Variants in CDK19 observed in about 807,000 individuals in gnomAD.
CDK19 encodes cyclin-dependent kinase 19.
In CDK19, 20 loss-of-function variants were observed where a neutral mutation model predicts 68.3. That is an observed-to-expected ratio of 0.29 (90% confidence interval 0.21 to 0.43). CDK19 has a LOEUF of 0.43. Among genes scored for constraint, CDK19 ranks in the 20% least tolerant of loss-of-function variants. The pLI is 1.00. For missense variants in CDK19, 339 were observed against 623.5 expected (o/e 0.54, Z 4.86); for synonymous variants, 221 against 222.8 (o/e 0.99, Z 0.07).
At chr6:110,739,462 T>C (rs1415941941) in intron 2 of CDK19, among the ~76,000 whole-genome samples, 2 of 152,122 alleles carry the variant, frequency 1.3e-5, no homozygotes, top group Admixed American at 6.6e-5. Flanking sequence ...CCACCAAGTC[T>C]ATGGTATTTT....
chr6:110,814,658 C>A (rs1218187709), intron 1 of CDK19: 1 of 504,050 alleles, frequency 2.0e-6, no homozygotes, highest in East Asian at 5.5e-5. Context: ...CAGCGGAGCT[C>A]TGCCTGCCCG....
chr6:110,806,039 T>C (rs1782659144), intron 1 of CDK19, among the ~76,000 whole-genome samples: 1 of 151,870 alleles, frequency 6.6e-6, no homozygotes, highest in African/African-American at 2.4e-5. Context: ...CTCATTTTTA[T>C]GTGTTAATTA....
intron 1 of CDK19, 187 bp downstream of exon 1, chr6:110,814,822 G>T: frequency 1.3e-6 from 1 of 775,272 alleles, no homozygotes; most frequent in Non-Finnish European, 2.1e-6. Flanking sequence ...CGAGGTACGC[G>T]ACGGGGCCGC....
Position 110,815,317 on chromosome 6 carries a change from G to T in CDK19, c.-181C>A. On this transcript the variant is annotated 5_prime_UTR_variant, in exon 1 of 13. It adds an upstream start codon to the 5' untranslated region. Transcript: ENST00000368911. Reference sequence around the variant, plus strand: ...AGCAAGGGACTCCTCGGCGGCCACAGCAGCCACCTCCTCCACCTCTTCCTC... The same window carrying T: ...AGCAAGGGACTCCTCGGCGGCCACATCAGCCACCTCCTCCACCTCTTCCTC... 1.8e-6 allele frequency: 1 copy of T among 552,298 alleles called. No homozygotes were observed. Among genetic ancestry groups the T allele is most frequent in the Non-Finnish European group, 2.8e-6 (1 of 357,562 alleles). The allele number at this position is 552,298 out of a possible 1,614,324, so 34.2% of individuals were successfully genotyped here. A position where few individuals can be genotyped will look rare whatever the true frequency, so the allele number is the denominator to read the frequency against.
chr6:110,685,472 A>C (rs1772396125), intron 2 of CDK19, among the ~76,000 whole-genome samples: 1 of 152,238 alleles, frequency 6.6e-6, no homozygotes, highest in South Asian at 2.1e-4. Context: ...AAGTTATGAC[A>C]TAGTATAATT....
At chr6:110,746,226 T>C (rs1778066871) in intron 1 of CDK19, 25 bp from the exon 2 acceptor site, 2 of 1,380,006 alleles carry the variant, frequency 1.4e-6, no homozygotes, top group African/African-American at 2.9e-5. Context: ...AAAAACATCA[T>C]TTTTCCATAT....
At chr6:110,802,586 T>C (rs896024111) in intron 1 of CDK19, among the ~76,000 whole-genome samples, 1 of 152,228 alleles carries the variant, frequency 6.6e-6, no homozygotes, top group Non-Finnish European at 1.5e-5. Flanking sequence ...TGTTCACTAT[T>C]TGGTGATGGG....
intron 3 of CDK19, among the ~76,000 whole-genome samples, chr6:110,667,991 T>C (rs941148189): frequency 1.5e-4 from 23 of 152,328 alleles, no homozygotes; most frequent in African/African-American, 4.8e-4. Context: ...AGGTGTATAT[T>C]TGAATTATTG....
intron 1 of CDK19, among the ~76,000 whole-genome samples, chr6:110,808,774 T>C (rs1314005364): frequency 1.3e-5 from 2 of 152,186 alleles, no homozygotes; most frequent in African/African-American, 2.4e-5. Context: ...ACTGGTATTT[T>C]CTAAGCATCT....
intron 6 of CDK19, among the ~76,000 whole-genome samples, chr6:110,630,005 A>C (rs1000075959): frequency 7.9e-5 from 12 of 152,232 alleles, no homozygotes; most frequent in African/African-American, 2.7e-4. Flanking sequence ...TATTTAAAAA[A>C]AAGCATCTAT....
rs1417983193 is a variant in CDK19, at chr6:110,611,572, G to A, written c.*2963C>T. The stretch of plus-strand genomic sequence containing the variant: ...AGGCCGAGACAGGCGGATGACCTGA[G>A]GTGAGGAATTCAAGACCAGCCTGAC... On this transcript the variant is annotated 3_prime_UTR_variant, in exon 13 of 13. Transcript: ENST00000368911. 6.6e-6 allele frequency: 1 copy of A among 152,320 alleles called. No individual in the cohort carries two copies. The highest frequency in any genetic ancestry group is 1.9e-4 in the East Asian group (1 of 5,194). The allele number at this position is 152,320 out of a possible 1,614,324, so 9.4% of individuals were successfully genotyped here.
intron 2 of CDK19, among the ~76,000 whole-genome samples, chr6:110,737,782 A>G (rs1777352171): frequency 6.6e-6 from 1 of 152,204 alleles, no homozygotes; most frequent in African/African-American, 2.4e-5. Context: ...AGCTAAATAT[A>G]TATTTGAGAA....
rs558776118 is a variant in CDK19, at chr6:110,797,539, A to G, written c.128+17470T>C. ...AAAGAAAGAAATGAACGGAAGAAAGAAAATGGAGGGAAGGAAGATAGAAAA... is the reference window on the plus strand; with the variant it reads ...AAAGAAAGAAATGAACGGAAGAAAGGAAATGGAGGGAAGGAAGATAGAAAA... On this transcript the variant is annotated intron_variant, in intron 1 of 12. Coordinates refer to ENST00000368911, the MANE Select transcript of CDK19 (RefSeq NM_015076.5). Among the ~76,000 whole-genome samples the G allele has an allele frequency of 3.3e-5, 5 of 152,338 alleles. No homozygotes were observed. In the South Asian group the frequency reaches 1.0e-3, roughly 32 times the overall value.
intron 2 of CDK19, among the ~76,000 whole-genome samples, chr6:110,696,375 A>C (rs1054812775): frequency 6.6e-6 from 1 of 152,246 alleles, no homozygotes; most frequent in African/African-American, 2.4e-5. Context: ...TCTATGACAA[A>C]CCCACAGGCA....
intron 1 of CDK19, 173 bp downstream of exon 1, chr6:110,814,836 G>C (rs1370760882): frequency 7.2e-6 from 6 of 836,462 alleles, no homozygotes; most frequent in Admixed American, 6.6e-5. Context: ...GGGCCGCGCG[G>C]GGGAGGCGGG....
intron 1 of CDK19, among the ~76,000 whole-genome samples, chr6:110,776,182 A>G (rs111342910): frequency 9.9e-5 from 15 of 152,234 alleles, no homozygotes; most frequent in African/African-American, 3.1e-4. Flanking sequence ...TAATCCCAGC[A>G]TTTTGCGAGA....
At position 110,815,203 on chromosome 6, in the gene CDK19, C is replaced by A; in HGVS notation, c.-67G>T. On this transcript the variant is annotated 5_prime_UTR_variant, in exon 1 of 13. Transcript: ENST00000368911. ...GCCGCTCAGTCCCTCCTCCTCCTCC[C>A]CCCGCGACCGCCGCTCCACTTCTCC... 6.9e-7 allele frequency: 1 copy of A among 1,458,748 alleles called. No homozygotes were observed. Among genetic ancestry groups the A allele is most frequent in the Non-Finnish European group, 9.1e-7 (1 of 1,101,914 alleles). 90.4% of individuals were successfully genotyped at this position (1,458,748 alleles called of 1,614,324 possible).
chr6:110,759,296 T>G (rs1748423207), intron 1 of CDK19, among the ~76,000 whole-genome samples: 1 of 149,038 alleles, frequency 6.7e-6, no homozygotes, highest in African/African-American at 2.5e-5. Flanking sequence ...TCCCAGCTAC[T>G]CGGGAGGCTG....
chr6:110,738,759 A>C (rs1777438861), intron 2 of CDK19, among the ~76,000 whole-genome samples: 3 of 152,216 alleles, frequency 2.0e-5, no homozygotes. Context: ...CATAAATTTA[A>C]AAAAGCAAAG....
Sources: allele counts gnomAD v4.1 joint callset (sites outside exome capture counted in the v4.1 genomes callset), GRCh38; gene constraint gnomAD v4.1.1; transcripts MANE v1.5; gene names NCBI Gene and HGNC (gene_info 2026-07-23, HGNC 2026-07-21).